RERE: variants seen among roughly 807,000 people sequenced by gnomAD.
The protein encoded by RERE is arginine-glutamic acid dipeptide repeats, also known as arginine-glutamic acid dipeptide repeats protein.
A neutral mutation model predicts 146.1 loss-of-function variants in RERE; 40 were observed. The observed-to-expected ratio is 0.27, with a 90% CI of 0.21 to 0.36. The LOEUF is 0.36. Among genes scored for constraint, RERE ranks in the 10% least tolerant of loss-of-function variants. RERE has a pLI of 1.00. For synonymous variants in RERE, 1,003 were observed against 866.0 expected, an observed-to-expected ratio of 1.16 and a Z score of -2.78; for missense variants, 1,933 against 2,138.7, an observed-to-expected ratio of 0.90 and a Z score of 1.90.
At chr1:8,498,671 A>T (rs1645079524) in intron 8 of RERE, among the ~76,000 whole-genome samples, 1 of 148,384 alleles carries the variant, frequency 6.7e-6, no homozygotes, top group African/African-American at 2.5e-5. Flanking sequence ...ACTCCAGCCT[A>T]GGTGACAGAG....
chr1:8,681,668 C>G (rs1638974571), intron 1 of RERE, among the ~76,000 whole-genome samples: 1 of 152,084 alleles, frequency 6.6e-6, no homozygotes, highest in Non-Finnish European at 1.5e-5. Context: ...TATCACAAGT[C>G]TTAAACTAAA....
Position 8,358,325 on chromosome 1 carries a change from C to CT in RERE, c.4209dup (p.Glu1404ArgfsTer99). 6.2e-7 allele frequency: 1 copy of CT among 1,613,500 alleles called. No homozygotes were observed. Among genetic ancestry groups the CT allele is most frequent in the Non-Finnish European group, 8.5e-7 (1 of 1,179,790 alleles). On this transcript the variant is annotated frameshift_variant, in exon 20 of 23. Transcript: ENST00000400908. LOFTEE classifies it high-confidence loss of function. The stretch of plus-strand genomic sequence containing the variant: ...TCGCTGGTCAGCGATGCCATGCGCT[C>CT]TGCGTGGATACGCTCGGCTGCCAGT...
intron 3 of RERE, among the ~76,000 whole-genome samples, chr1:8,622,486 TAAAAAAAAAAAA>T (rs1167355778): frequency 4.6e-5 from 2 of 43,016 alleles, no homozygotes; most frequent in African/African-American, 9.2e-5. Flanking sequence ...TGTATCTGTT[TAAAAAAAAAAAA>T]AAAAAAAAAA....
intron 4 of RERE, among the ~76,000 whole-genome samples, chr1:8,562,406 G>A (rs1646089141): frequency 6.6e-6 from 1 of 152,158 alleles, no homozygotes; most frequent in South Asian, 2.1e-4. Flanking sequence ...GAAGCTTCCT[G>A]TGTGAAAGCA....
At chr1:8,397,544 TC>T (rs1354142465) in intron 12 of RERE, among the ~76,000 whole-genome samples, 2 of 148,802 alleles carry the variant, frequency 1.3e-5, no homozygotes, top group Non-Finnish European at 3.0e-5. Flanking sequence ...ACCTTTCTGA[TC>T]CCAGTTACCA....
At chr1:8,373,167 G>A (rs1181475849) in intron 12 of RERE, among the ~76,000 whole-genome samples, 1 of 152,164 alleles carries the variant, frequency 6.6e-6, no homozygotes, top group Admixed American at 6.5e-5. Flanking sequence ...GCATTTAGAA[G>A]AAATCATTTT....
chr1:8,740,383 T>A (rs569845532), intron 1 of RERE, among the ~76,000 whole-genome samples: 1 of 152,350 alleles, frequency 6.6e-6, no homozygotes, highest in South Asian at 2.1e-4. Context: ...AGTGAGTCAG[T>A]GGTGAGTAAA....
At chr1:8,607,828 C>T (rs1301893486) in intron 4 of RERE, among the ~76,000 whole-genome samples, 5 of 148,948 alleles carry the variant, frequency 3.4e-5, no homozygotes, top group East Asian at 4.0e-4. Context: ...TGAGTTCAAG[C>T]GATTCTCCTG....
chr1:8,362,416 G>A (rs1431052646), intron 16 of RERE, among the ~76,000 whole-genome samples: 1 of 152,160 alleles, frequency 6.6e-6, no homozygotes, highest in Non-Finnish European at 1.5e-5. Flanking sequence ...GGCTCTGGAG[G>A]GAGCCGTTCT....
At chr1:8,750,150 C>CAAAAAAAAAAAAAAAAAAAAA (rs3045405) in intron 1 of RERE, among the ~76,000 whole-genome samples, 1 of 96,554 alleles carries the variant, frequency 1.0e-5, no homozygotes. Flanking sequence ...GCCTCTGTCT[C>CAAAAAAAAAAAAAAAAAAAAA]AAAAAAAAAA....
chr1:8,595,525 AT>A, intron 4 of RERE, among the ~76,000 whole-genome samples: 1 of 151,436 alleles, frequency 6.6e-6, no homozygotes, highest in Non-Finnish European at 1.5e-5. Flanking sequence ...TATTTTATGT[AT>A]TTATTTTAAT....
chr1:8,366,729 G>A (rs771814724), intron 12 of RERE, among the ~76,000 whole-genome samples: 1 of 152,126 alleles, frequency 6.6e-6, no homozygotes, highest in Non-Finnish European at 1.5e-5. Context: ...TCTTTTCATG[G>A]CCCAGCAGAA....
intron 1 of RERE, among the ~76,000 whole-genome samples, chr1:8,760,087 G>A (rs538314458): frequency 1.8e-4 from 27 of 152,172 alleles, no homozygotes; most frequent in African/African-American, 6.0e-4. Flanking sequence ...GTGCAGTGGC[G>A]TAATCTCAGC....
chr1:8,532,999 T>A (rs1183828424), intron 7 of RERE, among the ~76,000 whole-genome samples: 1 of 152,260 alleles, frequency 6.6e-6, no homozygotes, highest in Non-Finnish European at 1.5e-5. Context: ...CCCAATGTGC[T>A]GGGATTACAG....
At chr1:8,498,713 A>AT (rs1303711127) in intron 8 of RERE, among the ~76,000 whole-genome samples, 12 of 126,526 alleles carry the variant, frequency 9.5e-5, no homozygotes, top group African/African-American at 3.4e-4. Context: ...AAAAAAATAA[A>AT]AAAAAAAAAA....
chr1:8,553,918 C>T (rs1270371754), intron 6 of RERE, among the ~76,000 whole-genome samples: 1 of 152,290 alleles, frequency 6.6e-6, no homozygotes, highest in African/African-American at 2.4e-5. Flanking sequence ...TGGCTCATGC[C>T]TGTAATCCCA....
At chr1:8,358,950 C>G in intron 19 of RERE, 34 bp from the exon 20 acceptor site, 1 of 1,501,172 alleles carries the variant, frequency 6.7e-7, no homozygotes, top group Non-Finnish European at 8.8e-7. Context: ...AGGGGTCCCC[C>G]GAGCGCCTGG....
chr1:8,445,899 C>T (rs1644311741), intron 11 of RERE, among the ~76,000 whole-genome samples: 2 of 151,458 alleles, frequency 1.3e-5, no homozygotes, highest in Admixed American at 1.3e-4. Flanking sequence ...GTTCAACTCC[C>T]ACTTACGAGT....
chr1:8,696,350 C>G (rs901091743), intron 1 of RERE, among the ~76,000 whole-genome samples: 1 of 152,174 alleles, frequency 6.6e-6, no homozygotes, highest in Admixed American at 6.5e-5. Context: ...CGGTAGCTCG[C>G]GTCTGTAATC....
Sources: gnomAD v4.1 joint callset for allele counts (sites outside exome capture counted in the v4.1 genomes callset) on GRCh38, gnomAD v4.1.1 for gene constraint, MANE v1.5 for transcripts, NCBI Gene and HGNC (gene_info 2026-07-23, HGNC 2026-07-21) for gene names.